The following LAMA2 variants were observed in gnomAD, a reference collection of about 807,000 sequenced individuals.
The protein encoded by LAMA2 is laminin subunit alpha-2.
A neutral mutation model predicts 364.8 loss-of-function variants in LAMA2; 269 were observed. That is an observed-to-expected ratio of 0.74 (90% CI 0.67 to 0.82). LAMA2 has a LOEUF of 0.82. LAMA2 is among the 40% of genes least tolerant of loss of function. LAMA2 has a pLI of 0.00. For synonymous variants in LAMA2, 1,379 were observed against 1,370.6 expected (o/e 1.01, Z -0.14); for missense variants, 3,807 against 3,873.2 (o/e 0.98, Z 0.45).
chr6:128,986,202 T>A (rs191072002), intron 1 of LAMA2, among the ~76,000 whole-genome samples: 2 of 152,304 alleles, frequency 1.3e-5, no homozygotes, highest in Non-Finnish European at 2.9e-5. Context: ...TCAACTTGGC[T>A]TTCTAGTCCT....
At chr6:129,069,468 T>A (rs1454626523) in intron 3 of LAMA2, among the ~76,000 whole-genome samples, 1 of 148,624 alleles carries the variant, frequency 6.7e-6, no homozygotes, top group Non-Finnish European at 1.5e-5. Context: ...TATTTGTTTT[T>A]AAATAAGGAA....
At chr6:129,130,812 A>G (rs1222230200) in intron 4 of LAMA2, among the ~76,000 whole-genome samples, 1 of 152,198 alleles carries the variant, frequency 6.6e-6, no homozygotes, top group Non-Finnish European at 1.5e-5. Context: ...TTTATAAACT[A>G]TCTCTATAAA....
chr6:129,270,259 C>G (rs1231230074), intron 16 of LAMA2, among the ~76,000 whole-genome samples: 3 of 137,434 alleles, frequency 2.2e-5, no homozygotes, highest in Non-Finnish European at 4.6e-5. Flanking sequence ...TATTAGTGCT[C>G]TATGACTACA....
chr6:128,969,773 C>T (rs1782078066), intron 1 of LAMA2, among the ~76,000 whole-genome samples: 1 of 151,960 alleles, frequency 6.6e-6, no homozygotes, highest in Non-Finnish European at 1.5e-5. Context: ...AATAAAAATG[C>T]TTCTATTTGG....
At position 129,473,318 on chromosome 6, in the gene LAMA2, T is replaced by C. The variant is rs775938293; in HGVS notation, c.7405T>C (p.Tyr2469His). 3 of 1,612,556 alleles carry C rather than the reference T, an allele frequency of 1.9e-6. No homozygotes were observed. The African/African-American group carries it at 4.0e-5, about 22-fold the overall frequency. The change falls in exon 52 of 65, where the codon TAT becomes CAT. Residue 2469 changes from tyrosine (Y) to histidine (H), a missense_variant. By Grantham distance (83) the Tyr-to-His change is moderately conservative. Transcript: ENST00000421865. ...TGACTTGAAAGCAGATGACAAAATA[T>C]ATTTTGGTGGCCTGCCAACGCTGAG... ...GLDLKADDKI[Y>H]FGGLPTLRNL...
chr6:129,115,869 A>G (rs770578040), intron 4 of LAMA2, among the ~76,000 whole-genome samples: 1 of 152,164 alleles, frequency 6.6e-6, no homozygotes, highest in Non-Finnish European at 1.5e-5. Flanking sequence ...AACACATCCG[A>G]CTAAGGTGCA....
At chr6:129,211,407 T>A (rs188217235) in intron 12 of LAMA2, among the ~76,000 whole-genome samples, 1 of 152,332 alleles carries the variant, frequency 6.6e-6, no homozygotes, top group East Asian at 1.9e-4. Context: ...CTCCCTCCTC[T>A]GAAATGTTAT....
In LAMA2 at chr6:129,225,765, A is replaced by G. The variant is rs575732974; in HGVS notation, c.1783-24347A>G. 1.1e-3 allele frequency among the ~76,000 whole-genome samples: 163 copies of G among 152,256 alleles called. 1 individual carries two copies. The highest frequency in any genetic ancestry group is 1.8e-3 in the Non-Finnish European group (122 of 68,022). On this transcript the variant is annotated intron_variant, in intron 12 of 64. Transcript: ENST00000421865. ...TGCTTTACTTCCAACTATGTGGTCA[A>G]TTTTGGAATAAGTGTGATGTGGTGC... is the stretch of plus-strand genomic sequence containing the variant.
chr6:129,354,591 TATAG>T (rs1360139392), intron 32 of LAMA2, among the ~76,000 whole-genome samples: 6 of 152,270 alleles, frequency 3.9e-5, no homozygotes, highest in South Asian at 2.1e-4. Context: ...CTAGATAATA[TATAG>T]ATATTCTTAA....
chr6:129,141,119 T>C (rs1207266255), intron 4 of LAMA2, among the ~76,000 whole-genome samples: 1 of 152,058 alleles, frequency 6.6e-6, no homozygotes, highest in Non-Finnish European at 1.5e-5. Flanking sequence ...TTCTTTCAAG[T>C]AGTATTTTTG....
chr6:129,305,393 C>G (rs189264331), intron 22 of LAMA2, among the ~76,000 whole-genome samples: 163 of 151,526 alleles, frequency 1.1e-3, no homozygotes, highest in African/African-American at 3.8e-3. Context: ...GGTGTGATCT[C>G]AGCTCACTGC....
chr6:129,284,294 TA>T (rs1393018195), intron 18 of LAMA2, among the ~76,000 whole-genome samples: 81 of 152,230 alleles, frequency 5.3e-4, no homozygotes, highest in Admixed American at 2.1e-3. Context: ...CATCCGAGAC[TA>T]ACTAATCCCT....
chr6:129,321,858 C>T (rs1193106908), intron 28 of LAMA2, among the ~76,000 whole-genome samples: 1 of 152,238 alleles, frequency 6.6e-6, no homozygotes, highest in African/African-American at 2.4e-5. Flanking sequence ...GTATACATTT[C>T]TTGAGAGGGA....
At chr6:129,332,320 T>C (rs1399380944) in intron 29 of LAMA2, among the ~76,000 whole-genome samples, 1 of 152,222 alleles carries the variant, frequency 6.6e-6, no homozygotes. Context: ...TCATCCATAT[T>C]AAGATATGTT....
intron 18 of LAMA2, among the ~76,000 whole-genome samples, chr6:129,284,959 A>G (rs1028495392): frequency 6.6e-6 from 1 of 152,158 alleles, no homozygotes; most frequent in Non-Finnish European, 1.5e-5. Context: ...CGTTTCTAGC[A>G]AGGCATTCAT....
chr6:129,115,563 A>G (rs146525120), intron 4 of LAMA2, among the ~76,000 whole-genome samples: 7 of 152,234 alleles, frequency 4.6e-5, no homozygotes. Flanking sequence ...TAAATTCCTT[A>G]GGAAACACAA....
At chr6:128,921,704 T>TTTTGTTG (rs1554324910) in intron 1 of LAMA2, among the ~76,000 whole-genome samples, 3 of 144,980 alleles carry the variant, frequency 2.1e-5, no homozygotes, top group Non-Finnish European at 4.4e-5. Flanking sequence ...TCTGTTTTTT[T>TTTTGTTG]TTTTTTTTTA....
chr6:128,944,644 A>G (rs1002321115), intron 1 of LAMA2, among the ~76,000 whole-genome samples: 5 of 151,884 alleles, frequency 3.3e-5, no homozygotes, highest in Non-Finnish European at 7.4e-5. Context: ...AGTAGAAAAA[A>G]AAAAAAAAGA....
intron 1 of LAMA2, among the ~76,000 whole-genome samples, chr6:128,976,025 T>C (rs1199060639): frequency 2.0e-5 from 3 of 152,118 alleles, no homozygotes; most frequent in Non-Finnish European, 4.4e-5. Context: ...GGAAAATGAA[T>C]TGGAAAAGTC....
Sources: allele counts gnomAD v4.1 joint callset (sites outside exome capture counted in the v4.1 genomes callset), GRCh38; gene constraint gnomAD v4.1.1; transcripts MANE v1.5; gene names NCBI Gene and HGNC (gene_info 2026-07-23, HGNC 2026-07-21).